The following OTOGL variants were observed in gnomAD, a reference collection of about 807,000 sequenced individuals.
OTOGL encodes otogelin like.
OTOGL carries 285 observed loss-of-function variants against 318.5 expected under a neutral mutation model. The ratio of observed to expected loss-of-function variants is 0.89; its 90% CI spans 0.81 to 0.99. The LOEUF (loss-of-function observed/expected upper bound fraction) is 0.99, where lower values mean the gene tolerates loss of function less well. Ranked by LOEUF, OTOGL falls within the 50% of genes least tolerant of loss-of-function variation. The pLI, the probability that OTOGL is intolerant of heterozygous loss-of-function variation, is 0.00. For missense variants in OTOGL, 2,899 were observed against 2,845.6 expected, an observed-to-expected ratio of 1.02 and a Z score of -0.43; for synonymous variants, 987 against 936.5, an observed-to-expected ratio of 1.05 and a Z score of -0.99.
intron 1 of OTOGL, among the ~76,000 whole-genome samples, chr12:80,154,559 G>A (rs1565881377): frequency 6.6e-6 from 1 of 151,936 alleles, no homozygotes; most frequent in African/African-American, 2.4e-5. Context: ...GTTGTAGTTT[G>A]GAGCTGACCA....
intron 27 of OTOGL, among the ~76,000 whole-genome samples, chr12:80,298,315 A>C (rs1284521329): frequency 6.6e-6 from 1 of 152,180 alleles, no homozygotes; most frequent in Non-Finnish European, 1.5e-5. Context: ...TGTTAAGAGC[A>C]TAGACTTTAG....
chr12:80,257,905 G>A lies in OTOGL; in HGVS notation c.1792G>A (p.Asp598Asn), dbSNP rs757555432. ...TGGTTTAAAGATTCTGTTTGCTATA[G>A]ATGGGGAAAGAATTTATATTCAGCT... ...TFGLKILFAI[D>N]GERIYIQLTS... Residue 598 changes from aspartate to asparagine, a missense_variant, in exon 18 of 59, where the codon GAT becomes AAT. Around this residue, in one of 3 missense-constraint regions of OTOGL, gnomAD observed 2,607 missense variants for 2,524.9 expected, o/e 1.03. Transcript: ENST00000547103. 2 of 1,597,448 alleles carry A rather than the reference G, an allele frequency of 1.3e-6. No individual in the cohort carries two copies. The highest frequency in any genetic ancestry group is 3.3e-5 in the Admixed American group (2 of 59,736).
chr12:80,356,532 A>G lies in OTOGL; in HGVS notation c.5911+12A>G. 1 of 1,551,636 alleles carries G rather than the reference A, an allele frequency of 6.4e-7. No homozygotes were observed. The highest frequency in any genetic ancestry group is 8.8e-7 in the Non-Finnish European group (1 of 1,135,858). ...ACAGTACAAATGTGGTAAGTAATCA[A>G]TATAGAAAATTAAGAGTGAGGTTCA... On this transcript the variant is annotated intron_variant, in intron 48 of 58. Coordinates refer to ENST00000547103, the MANE Select transcript of OTOGL (RefSeq NM_001378609.3).
At chr12:80,377,567 A>G (rs1891236473) in intron 58 of OTOGL, among the ~76,000 whole-genome samples, 1 of 152,158 alleles carries the variant, frequency 6.6e-6, no homozygotes, top group South Asian at 2.1e-4. Flanking sequence ...GTTACAATAG[A>G]TTAACTATAT....
rs1885853738 is a variant in OTOGL at position 80,302,783 on chromosome 12, G to GC, written c.3213_3213+1insC (p.Asn1072GlnfsTer11). Reference sequence around the variant, plus strand: ...ATATCAAAGTTGGGCCACAGTGGAAGGTAGGTCAACCTAAGCTCCAAATGA... The same window carrying GC: ...ATATCAAAGTTGGGCCACAGTGGAAGCGTAGGTCAACCTAAGCTCCAAATGA... On this transcript the variant is annotated frameshift_variant and splice_region_variant. Transcript: ENST00000547103. LOFTEE classifies it high-confidence loss of function. 5.4e-6 allele frequency: 8 copies of GC among 1,485,970 alleles called. No homozygotes were observed. Among genetic ancestry groups the GC allele is most frequent in the Non-Finnish European group, 7.1e-6 (8 of 1,125,372 alleles). 92.0% of individuals were successfully genotyped at this position (1,485,970 alleles called of 1,614,324 possible). A position where few individuals can be genotyped will look rare whatever the true frequency, so the allele number is the denominator to read the frequency against.
At position 80,266,520 on chromosome 12, in the gene OTOGL, T is replaced by A; in HGVS notation, c.2294T>A (p.Leu765His). 1 of 1,613,534 alleles carries A rather than the reference T, an allele frequency of 6.2e-7. No individual in the cohort carries two copies. The highest frequency in any genetic ancestry group is 2.2e-5 in the East Asian group (1 of 44,870). ...SSFCLHSCIS[L>H]SSPEQCSDDC... ...TTCTGCCTCCATTCCTGCATTTCTCTCTCTTCCCCGGAGCAGTGCAGTGAT... is the reference window on the plus strand; with the variant it reads ...TTCTGCCTCCATTCCTGCATTTCTCACTCTTCCCCGGAGCAGTGCAGTGAT... Residue 765 changes from leucine (L) to histidine (H), a missense_variant, in exon 21 of 59, where the codon CTC becomes CAC. Around this residue, in one of 3 missense-constraint regions of OTOGL, gnomAD observed 2,607 missense variants for 2,524.9 expected, o/e 1.03. Transcript: ENST00000547103.
chr12:80,173,761 C>A (rs558559601), intron 1 of OTOGL, among the ~76,000 whole-genome samples: 48 of 152,216 alleles, frequency 3.2e-4, no homozygotes, highest in African/African-American at 1.1e-3. Flanking sequence ...CACAAGGGTA[C>A]CCTTAATCCT....
At chr12:80,152,643 G>A (rs529738796) in intron 1 of OTOGL, among the ~76,000 whole-genome samples, 183 of 152,108 alleles carry the variant, frequency 1.2e-3, no homozygotes, top group African/African-American at 4.1e-3. Flanking sequence ...AAATCCAATC[G>A]CCTGTTGCAA....
intron 52 of OTOGL, among the ~76,000 whole-genome samples, chr12:80,361,457 T>C (rs1425290743): frequency 2.0e-5 from 3 of 152,328 alleles, no homozygotes; most frequent in East Asian, 3.9e-4. Flanking sequence ...AGTGCAGATA[T>C]CTCTACGATA....
intron 35 of OTOGL, among the ~76,000 whole-genome samples, chr12:80,325,326 A>C (rs763663109): frequency 6.6e-6 from 1 of 152,230 alleles, no homozygotes; most frequent in Non-Finnish European, 1.5e-5. Context: ...AAAAGAAAAC[A>C]ATCTTAATAC....
chr12:80,122,347 A>C (rs1310866177), intron 1 of OTOGL, among the ~76,000 whole-genome samples: 1 of 152,218 alleles, frequency 6.6e-6, no homozygotes, highest in East Asian at 1.9e-4. Context: ...ATACTGGAAT[A>C]ATCAATGAAA....
chr12:80,173,596 T>A (rs1249470207), intron 1 of OTOGL, among the ~76,000 whole-genome samples: 1 of 152,230 alleles, frequency 6.6e-6, no homozygotes, highest in Non-Finnish European at 1.5e-5. Flanking sequence ...AGGATCTTTG[T>A]GACTTGTAAA....
chr12:80,120,434 TAGCAAGC>T (rs1440544723), intron 1 of OTOGL, among the ~76,000 whole-genome samples: 1 of 152,110 alleles, frequency 6.6e-6, no homozygotes, highest in African/African-American at 2.4e-5. Context: ...GTTATATAAT[TAGCAAGC>T]AGCAACACAT....
At position 80,323,806 on chromosome 12, in the gene OTOGL, G is replaced by A. The variant is rs918499519; in HGVS notation, c.4165G>A (p.Asp1389Asn). 1.2e-6 allele frequency: 2 copies of A among 1,613,304 alleles called. No homozygotes were observed. The highest frequency in any genetic ancestry group is 2.7e-5 in the African/African-American group (2 of 74,890). The stretch of plus-strand genomic sequence containing the variant: ...TACACCCTGTTTTAAAACATGTAGT[G>A]ACCCTGAAGCACTAGCATGTAAATT... ...CATPCFKTCSDPEALACKFLP... is the reference protein window; with the variant it reads ...CATPCFKTCSNPEALACKFLP... The change falls in exon 35 of 59, where the codon GAC becomes AAC. Residue 1389 changes from aspartate (D) to asparagine (N), a missense_variant. Asp to Asn is a conservative substitution (Grantham distance 23, BLOSUM62 1). Transcript: ENST00000547103.
chr12:80,275,393 G>A (rs971727213), intron 24 of OTOGL, among the ~76,000 whole-genome samples: 11 of 151,906 alleles, frequency 7.2e-5, no homozygotes, highest in Non-Finnish European at 2.9e-5. Context: ...CTGAAGATAT[G>A]ACTGATTTGC....
At chr12:80,358,811 T>C (rs1165550614) in intron 51 of OTOGL, 36 bp downstream of exon 51, 3 of 1,559,648 alleles carry the variant, frequency 1.9e-6, no homozygotes, top group Middle Eastern at 1.7e-4. Flanking sequence ...TTCATTATAA[T>C]AAGTTAATTA....
At chr12:80,248,846 T>G (rs1881179490) in intron 11 of OTOGL, among the ~76,000 whole-genome samples, 1 of 150,208 alleles carries the variant, frequency 6.7e-6, no homozygotes, top group Non-Finnish European at 1.5e-5. Flanking sequence ...CCATATTTCT[T>G]GGAGGCTTTG....
Position 80,251,888 on chromosome 12 carries a change from A to G in OTOGL, c.1159+89A>G, listed in dbSNP as rs1881586235. On this transcript the variant is annotated intron_variant, in intron 12 of 58. Coordinates refer to ENST00000547103, the MANE Select transcript of OTOGL (RefSeq NM_001378609.3). ...AAAACTTACTGTACTACTCAATACT[A>G]ATGAATTGCAAGGATTTGTTATTGA... 4.9e-6 allele frequency: 6 copies of G among 1,220,900 alleles called. No homozygotes were observed. In the Admixed American group the frequency reaches 1.7e-4, roughly 35 times the overall value. The allele number at this position is 1,220,900 out of a possible 1,614,324, so 75.6% of individuals were successfully genotyped here.
At chr12:80,132,575 A>T (rs1412182092) in intron 1 of OTOGL, 1 of 152,202 alleles carries the variant, frequency 6.6e-6, no homozygotes, top group East Asian at 1.9e-4. Context: ...CAGTGACTTT[A>T]TATTACCTTC....
Sources: allele counts gnomAD v4.1 joint callset (sites outside exome capture counted in the v4.1 genomes callset), GRCh38; gene constraint gnomAD v4.1.1; regional missense constraint gnomAD v4.1.1; transcripts MANE v1.5; gene names NCBI Gene and HGNC (gene_info 2026-07-23, HGNC 2026-07-21).